PKHD1L1: variants seen among roughly 807,000 people sequenced by gnomAD.
The protein encoded by PKHD1L1 is fibrocystin-L.
Under a neutral mutation model 462.9 loss-of-function variants are expected in PKHD1L1, and 434 were observed. The ratio of observed to expected loss-of-function variants is 0.94; its 90% CI spans 0.87 to 1.02. The LOEUF (loss-of-function observed/expected upper bound fraction) is 1.02. PKHD1L1 is among the 50% of genes least tolerant of loss of function. The probability of loss-of-function intolerance (pLI) is 0.00; values close to 1 mark genes in which losing one functional copy is unlikely to be tolerated. For missense variants in PKHD1L1, 5,202 were observed against 5,096.1 expected (o/e 1.02, Z -0.63); for synonymous variants, 1,781 against 1,750.0 (o/e 1.02, Z -0.44).
At chr8:109,519,366 C>T (rs1055960265) in intron 73 of PKHD1L1, among the ~76,000 whole-genome samples, 3 of 152,090 alleles carry the variant, frequency 2.0e-5, no homozygotes, top group Non-Finnish European at 4.4e-5. Context: ...CTGCTCCTTT[C>T]AAGTTGGGGT....
intron 53 of PKHD1L1, 65 bp from the exon 54 acceptor site, chr8:109,479,486 T>C (rs538373094): frequency 3.5e-5 from 39 of 1,110,220 alleles, no homozygotes; most frequent in Non-Finnish European, 5.0e-5. Flanking sequence ...ACGGTTTACA[T>C]TTTAGACAAA....
chr8:109,432,870 G>A (rs1351927004), intron 27 of PKHD1L1, among the ~76,000 whole-genome samples: 3 of 151,998 alleles, frequency 2.0e-5, no homozygotes, highest in Non-Finnish European at 4.4e-5. Flanking sequence ...CTTTCCACTA[G>A]TCTCTGTCAA....
intron 2 of PKHD1L1, among the ~76,000 whole-genome samples, chr8:109,381,046 C>T (rs909888039): frequency 3.9e-5 from 6 of 152,120 alleles, no homozygotes; most frequent in Non-Finnish European, 4.4e-5. Flanking sequence ...GATGTGGAAT[C>T]GGGATACTTG....
At chr8:109,526,371 C>A (rs1820814732) in intron 76 of PKHD1L1, among the ~76,000 whole-genome samples, 1 of 152,156 alleles carries the variant, frequency 6.6e-6, no homozygotes, top group Non-Finnish European at 1.5e-5. Context: ...AGTTCAGTAT[C>A]CAACCCCACC....
chr8:109,416,195 A>G (rs1267780356), intron 21 of PKHD1L1, among the ~76,000 whole-genome samples: 3 of 152,222 alleles, frequency 2.0e-5, no homozygotes, highest in Non-Finnish European at 4.4e-5. Flanking sequence ...GTCATGCTTC[A>G]TATATTCCTT....
intron 66 of PKHD1L1, 21 bp downstream of exon 66, chr8:109,498,594 ATGT>A: frequency 1.2e-6 from 2 of 1,609,850 alleles, no homozygotes; most frequent in Non-Finnish European, 1.7e-6. Flanking sequence ...TGAAACTTTA[ATGT>A]TGTTGTTCAT....
chr8:109,461,888 G>A lies in PKHD1L1; in HGVS notation c.7363G>A (p.Gly2455Arg). 1 of 1,602,560 alleles carries A rather than the reference G, an allele frequency of 6.2e-7. No individual in the cohort carries two copies. Among genetic ancestry groups the A allele is most frequent in the Non-Finnish European group, 8.5e-7 (1 of 1,173,946 alleles). Reference protein sequence around the residue: ...APVPGANMVTGRIEYVEVFHA... With the variant: ...APVPGANMVTRRIEYVEVFHA... ...TGTACCTGGTGCTAACATGGTAACTGGGAGAATAGAATATGTAGAGGTGAG... is the reference window on the plus strand; with the variant it reads ...TGTACCTGGTGCTAACATGGTAACTAGGAGAATAGAATATGTAGAGGTGAG... The change falls in exon 48 of 78, where the codon GGG becomes AGG. Residue 2455 changes from glycine (G) to arginine (R), a missense_variant. Physicochemically the swap from Gly to Arg is moderately radical, Grantham distance 125. Around this residue, in one of 3 missense-constraint regions of PKHD1L1, gnomAD observed 4,497 missense variants for 4,336.8 expected, o/e 1.04. Coordinates refer to ENST00000378402, the MANE Select transcript of PKHD1L1 (RefSeq NM_177531.6).
At chr8:109,413,064 C>G (rs138080912) in intron 20 of PKHD1L1, among the ~76,000 whole-genome samples, 18 of 152,174 alleles carry the variant, frequency 1.2e-4, no homozygotes, top group African/African-American at 4.3e-4. Flanking sequence ...TGAATGTTTA[C>G]CTCTCTTCTT....
At position 109,491,553 on chromosome 8, in the gene PKHD1L1, C is replaced by T. The variant is rs1274358944; in HGVS notation, c.10115-320C>T. ...TTAGGCATATTATATTTATTTTTGTCAATATGAAGTATAATAAACATATTT... is the reference window on the plus strand; with the variant it reads ...TTAGGCATATTATATTTATTTTTGTTAATATGAAGTATAATAAACATATTT... On this transcript the variant is annotated intron_variant, in intron 61 of 77. Coordinates refer to ENST00000378402, the MANE Select transcript of PKHD1L1 (RefSeq NM_177531.6). Among the ~76,000 whole-genome samples, 3 of 151,734 alleles carry T rather than the reference C, an allele frequency of 2.0e-5. No individual in the cohort carries two copies. The East Asian group carries it at 5.8e-4, about 29-fold the overall frequency.
intron 8 of PKHD1L1, among the ~76,000 whole-genome samples, chr8:109,389,934 G>A (rs1812633763): frequency 6.6e-6 from 1 of 151,858 alleles, no homozygotes; most frequent in African/African-American, 2.4e-5. Context: ...AAAGGCCTAG[G>A]TCATCACTTG....
At chr8:109,383,374 T>C (rs1402602095) in intron 4 of PKHD1L1, among the ~76,000 whole-genome samples, 2 of 114,982 alleles carry the variant, frequency 1.7e-5, no homozygotes, top group Non-Finnish European at 3.3e-5. Context: ...ATATATTATA[T>C]AGTATGTATA....
chr8:109,373,389 C>G lies in PKHD1L1; in HGVS notation c.164-7981C>G, dbSNP rs554281245. ...TTTTTATTGTGTCTATTTGATTCTT[C>G]TCTCTTTTCTTCTTTATTAGTCCTG... On this transcript the variant is annotated intron_variant, in intron 2 of 77. Coordinates refer to ENST00000378402, the MANE Select transcript of PKHD1L1 (RefSeq NM_177531.6). Among the ~76,000 whole-genome samples, 5 of 152,166 alleles carry G rather than the reference C, an allele frequency of 3.3e-5. No individual in the cohort carries two copies. The South Asian group carries it at 1.0e-3, about 32-fold the overall frequency.
At chr8:109,440,377 G>GA (rs1467782326) in intron 32 of PKHD1L1, among the ~76,000 whole-genome samples, 1 of 151,976 alleles carries the variant, frequency 6.6e-6, no homozygotes, top group Non-Finnish European at 1.5e-5. Flanking sequence ...TTAGTTTAAT[G>GA]AAAATATAAA....
At chr8:109,502,902 T>C (rs1250753503) in intron 67 of PKHD1L1, among the ~76,000 whole-genome samples, 8 of 152,260 alleles carry the variant, frequency 5.3e-5, no homozygotes, top group Non-Finnish European at 7.3e-5. Context: ...CAAAAGGTTC[T>C]TCCATATCTC....
At chr8:109,459,277 A>C (rs1353215732) in intron 46 of PKHD1L1, among the ~76,000 whole-genome samples, 1 of 152,154 alleles carries the variant, frequency 6.6e-6, no homozygotes, top group Non-Finnish European at 1.5e-5. Context: ...GAATAAAATC[A>C]TCCTCAATTG....
In PKHD1L1 at chr8:109,465,067, CTTTG is replaced by C; in HGVS notation, c.8236_8239del (p.Phe2746ThrfsTer6). 1 of 1,613,814 alleles carries C rather than the reference CTTTG, an allele frequency of 6.2e-7. No individual in the cohort carries two copies. Among genetic ancestry groups the C allele is most frequent in the Non-Finnish European group, 8.5e-7 (1 of 1,179,792 alleles). ...CTGTCTCTTCTGTGCACTTTATGAA[CTTTG>C]ACCGTCCCAACTGTGTAGCTTTGGG... On this transcript the variant is annotated frameshift_variant, in exon 49 of 78. Coordinates refer to ENST00000378402, the MANE Select transcript of PKHD1L1 (RefSeq NM_177531.6). LOFTEE classifies it high-confidence loss of function.
In PKHD1L1 at chr8:109,442,963, T is replaced by G; in HGVS notation, c.4411T>G (p.Phe1471Val). Reference sequence around the variant, plus strand: ...TATGGCAGGTTCATTTTCTTACCAATTTACTTCTCCTGGAATCCATTATTA... The same window carrying G: ...TATGGCAGGTTCATTTTCTTACCAAGTTACTTCTCCTGGAATCCATTATTA... ...KSTSGSFSYQ[F>V]TSPGIHYYSS... The change falls in exon 36 of 78, where the codon TTT (phenylalanine) becomes GTT (valine). Residue 1471 changes from phenylalanine to valine, a missense_variant. Physicochemically the swap from Phe to Val is conservative, Grantham distance 50 (BLOSUM62 -1). Around this residue, in one of 3 missense-constraint regions of PKHD1L1, gnomAD observed 4,497 missense variants for 4,336.8 expected, o/e 1.04. Transcript: ENST00000378402. 6.2e-7 allele frequency: 1 copy of G among 1,613,184 alleles called. No homozygotes were observed. The highest frequency in any genetic ancestry group is 1.6e-4 in the Middle Eastern group (1 of 6,062).
chr8:109,403,519 G>A (rs1183259220), intron 14 of PKHD1L1, among the ~76,000 whole-genome samples: 2 of 152,126 alleles, frequency 1.3e-5, no homozygotes, highest in African/African-American at 4.8e-5. Context: ...CACAAAGAAA[G>A]TGCCCAATTA....
intron 26 of PKHD1L1, 124 bp from the exon 27 acceptor site, chr8:109,429,808 A>G (rs1814989770): frequency 1.4e-6 from 1 of 720,348 alleles, no homozygotes; most frequent in Non-Finnish European, 2.3e-6. Flanking sequence ...AAGTACAAAA[A>G]ATATAGACTA....
Sources: gnomAD v4.1 joint callset for allele counts (sites outside exome capture counted in the v4.1 genomes callset) on GRCh38, gnomAD v4.1.1 for gene constraint, gnomAD v4.1.1 regional missense constraint, MANE v1.5 for transcripts, NCBI Gene and HGNC (gene_info 2026-07-23, HGNC 2026-07-21) for gene names.